The following CADM2 variants were observed in gnomAD, a reference collection of about 807,000 sequenced individuals.
CADM2 encodes the protein immunoglobulin superfamily member 4D.
In CADM2, 12 loss-of-function variants were observed where a neutral mutation model predicts 49.8. The ratio of observed to expected loss-of-function variants is 0.24; its 90% CI spans 0.15 to 0.39. CADM2 has a LOEUF of 0.39. Among genes scored for constraint, CADM2 ranks in the 10% least tolerant of loss-of-function variants. The pLI, the probability that CADM2 is intolerant of heterozygous loss-of-function variation, is 1.00. For missense variants in CADM2, 378 were observed against 492.3 expected, an observed-to-expected ratio of 0.77 and a Z score of 2.20; for synonymous variants, 214 against 175.4, an observed-to-expected ratio of 1.22 and a Z score of -1.74.
chr3:85,078,806 G>A (rs944767009), intron 1 of CADM2, among the ~76,000 whole-genome samples: 1 of 151,472 alleles, frequency 6.6e-6, no homozygotes, highest in African/African-American at 2.4e-5. Flanking sequence ...GTAAGCTTAT[G>A]TTTTTCTTTA....
At chr3:85,110,254 G>A (rs531925176) in intron 1 of CADM2, among the ~76,000 whole-genome samples, 2 of 151,732 alleles carry the variant, frequency 1.3e-5, no homozygotes, top group South Asian at 4.2e-4. Flanking sequence ...ATTCCAGAGA[G>A]ACAGAGAGAG....
chr3:85,969,700 T>C (rs1462481446), intron 8 of CADM2, among the ~76,000 whole-genome samples: 1 of 151,212 alleles, frequency 6.6e-6, no homozygotes, highest in Non-Finnish European at 1.5e-5. Context: ...CACACTAGAC[T>C]ATGACCTCCT....
At chr3:85,605,168 G>A (rs570611126) in intron 1 of CADM2, among the ~76,000 whole-genome samples, 15 of 151,904 alleles carry the variant, frequency 9.9e-5, no homozygotes, top group African/African-American at 3.4e-4. Context: ...TGTATAGAAC[G>A]CAAGGGTGAA....
At chr3:85,744,024 G>A (rs2068508000) in intron 2 of CADM2, among the ~76,000 whole-genome samples, 2 of 152,144 alleles carry the variant, frequency 1.3e-5, no homozygotes, top group South Asian at 4.1e-4. Context: ...ATACTCCAGA[G>A]GGGGAAGACA....
At chr3:85,571,941 C>A (rs887077499) in intron 1 of CADM2, among the ~76,000 whole-genome samples, 7 of 152,098 alleles carry the variant, frequency 4.6e-5, no homozygotes, top group Admixed American at 2.6e-4. Flanking sequence ...AAAATATGAC[C>A]AACTTCAGTC....
At chr3:86,042,603 A>T (rs1396867536) in intron 8 of CADM2, among the ~76,000 whole-genome samples, 2 of 152,262 alleles carry the variant, frequency 1.3e-5, no homozygotes, top group East Asian at 3.9e-4. Flanking sequence ...TACCAACCAA[A>T]AAAAGTCCAG....
intron 1 of CADM2, among the ~76,000 whole-genome samples, chr3:85,714,623 G>C (rs1278132188): frequency 6.6e-6 from 1 of 151,910 alleles, no homozygotes; most frequent in African/African-American, 2.4e-5. Context: ...GTAGAGACGG[G>C]GTTTCACCGT....
In CADM2 at chr3:85,947,662, G is replaced by A. The variant is rs75497215; in HGVS notation, c.791+11805G>A. On this transcript the variant is annotated intron_variant, in intron 7 of 9. Transcript: ENST00000383699. ...TCAAAATTTAATCACACATTGACTC[G>A]CTGGAAACACACAAGTGATTATCTT... Among the ~76,000 whole-genome samples, 1,258 of 151,318 alleles carry A rather than the reference G, an allele frequency of 8.3e-3. 42 individuals carry two copies. The South Asian group carries it at 0.091, about 11-fold the overall frequency.
intron 3 of CADM2, among the ~76,000 whole-genome samples, chr3:85,856,415 C>G (rs537746160): frequency 1.3e-5 from 2 of 152,252 alleles, no homozygotes; most frequent in Admixed American, 6.5e-5. Flanking sequence ...TTTCTCTAAA[C>G]CTGCTGTAAG....
chr3:85,148,371 G>C (rs1186309907), intron 1 of CADM2, among the ~76,000 whole-genome samples: 6 of 152,214 alleles, frequency 3.9e-5, no homozygotes, highest in African/African-American at 9.6e-5. Context: ...GAAAATTACA[G>C]ATAAACAAAT....
At chr3:85,176,512 TG>T (rs1270706314) in intron 1 of CADM2, among the ~76,000 whole-genome samples, 2 of 152,174 alleles carry the variant, frequency 1.3e-5, no homozygotes, top group Non-Finnish European at 2.9e-5. Flanking sequence ...CAGTTTGCTT[TG>T]GGGTTTTATA....
intron 1 of CADM2, among the ~76,000 whole-genome samples, chr3:85,700,839 C>G (rs1384033124): frequency 6.6e-6 from 1 of 152,168 alleles, no homozygotes; most frequent in Non-Finnish European, 1.5e-5. Context: ...AAAATTTTCC[C>G]TCATCTTCCT....
chr3:85,778,149 C>A (rs1031841050), intron 2 of CADM2, among the ~76,000 whole-genome samples: 9 of 152,000 alleles, frequency 5.9e-5, no homozygotes, highest in Non-Finnish European at 1.0e-4. Context: ...ATAAAAGCAA[C>A]ATTATTAGTC....
At chr3:85,071,477 T>G (rs1162382590) in intron 1 of CADM2, among the ~76,000 whole-genome samples, 2 of 152,158 alleles carry the variant, frequency 1.3e-5, no homozygotes, top group Admixed American at 1.3e-4. Context: ...TTACAAGTAG[T>G]GCCACCAAAT....
chr3:85,892,686 A>G (rs1168720236), intron 5 of CADM2, among the ~76,000 whole-genome samples: 3 of 152,136 alleles, frequency 2.0e-5, no homozygotes, highest in Admixed American at 6.5e-5. Flanking sequence ...CTTTTTCTTT[A>G]TAAATTACTC....
chr3:85,974,185 T>G (rs1235720527), intron 8 of CADM2, among the ~76,000 whole-genome samples: 2 of 151,706 alleles, frequency 1.3e-5, no homozygotes, highest in Non-Finnish European at 2.9e-5. Flanking sequence ...ATTAACTCTT[T>G]GCAGAACTGG....
chr3:86,053,017 T>A (rs928748476), intron 8 of CADM2, among the ~76,000 whole-genome samples: 26 of 152,058 alleles, frequency 1.7e-4, no homozygotes, highest in African/African-American at 6.3e-4. Context: ...AATAAATAGC[T>A]CATATAAATA....
intron 1 of CADM2, among the ~76,000 whole-genome samples, chr3:85,116,923 C>T (rs1028017314): frequency 6.6e-6 from 1 of 152,062 alleles, no homozygotes; most frequent in Non-Finnish European, 1.5e-5. Context: ...AGGACACGGG[C>T]GGTGACTCAC....
At chr3:85,503,155 G>C (rs1420285386) in intron 1 of CADM2, among the ~76,000 whole-genome samples, 1 of 152,036 alleles carries the variant, frequency 6.6e-6, no homozygotes, top group Non-Finnish European at 1.5e-5. Context: ...CAGAAAAATA[G>C]TGGAATTAAG....
Sources: gnomAD v4.1 joint callset for allele counts (sites outside exome capture counted in the v4.1 genomes callset) on GRCh38, gnomAD v4.1.1 for gene constraint, MANE v1.5 for transcripts, NCBI Gene and HGNC (gene_info 2026-07-23, HGNC 2026-07-21) for gene names.